GABRR3: variants seen among roughly 807,000 people sequenced by gnomAD.
GABRR3 encodes the protein gamma-aminobutyric acid type A receptor subunit rho3, also known as gamma-aminobutyric acid receptor subunit rho-3.
In GABRR3, 29 loss-of-function variants were observed where a neutral mutation model predicts 43.2. That is an observed-to-expected ratio of 0.67 (90% CI 0.50 to 0.92). The LOEUF (loss-of-function observed/expected upper bound fraction) is 0.92. Ranked by LOEUF, GABRR3 falls within the 40% of genes least tolerant of loss-of-function variation. The probability of loss-of-function intolerance (pLI) is 0.00; values close to 1 mark genes in which losing one functional copy is unlikely to be tolerated. For synonymous variants in GABRR3, 206 were observed against 195.9 expected (o/e 1.05, Z -0.43); for missense variants, 576 against 572.3 (o/e 1.01, Z -0.07).
chr3:98,001,627 T>G, exon 8 of GABRR3: 1 of 1,613,048 alleles, frequency 6.2e-7, no homozygotes, highest in Non-Finnish European at 8.5e-7. Flanking sequence ...AGGGAAACTC[T>G]TGCAGGAACA....
chr3:98,004,976 A>C (rs2107234517), intron 7 of GABRR3, among the ~76,000 whole-genome samples: 2 of 152,220 alleles, frequency 1.3e-5, no homozygotes, highest in African/African-American at 4.8e-5. Flanking sequence ...TCATGAACTA[A>C]AATAAGTTTC....
exon 5 of GABRR3, chr3:98,012,348 G>GGAA: frequency 6.2e-7 from 1 of 1,613,092 alleles, no homozygotes. Flanking sequence ...CCTTACCTGA[G>GGAA]ACTTAGGAGG....
At chr3:98,025,658 C>T in exon 3 of GABRR3, 1 of 1,611,326 alleles carries the variant, frequency 6.2e-7, no homozygotes, top group South Asian at 1.1e-5. Context: ...TGTCATCTTT[C>T]TTCATTCTAG....
chr3:98,012,399 T>G (rs1706804609), exon 5 of GABRR3: 16 of 1,613,820 alleles, frequency 9.9e-6, no homozygotes, highest in African/African-American at 1.3e-5. Context: ...ATATTCTCCA[T>G]AGTTGTATCA....
chr3:98,011,473 C>G (rs1706791109), intron 5 of GABRR3, among the ~76,000 whole-genome samples: 1 of 152,156 alleles, frequency 6.6e-6, no homozygotes. Context: ...ATTGCCTACT[C>G]TTCTTTTGTA....
At chr3:98,004,635 G>A (rs1442359580) in intron 7 of GABRR3, among the ~76,000 whole-genome samples, 9 of 150,648 alleles carry the variant, frequency 6.0e-5, no homozygotes, top group East Asian at 2.0e-4. Context: ...TTGCCAGGTC[G>A]TGGTGATTTT....
intron 7 of GABRR3, among the ~76,000 whole-genome samples, chr3:98,003,795 T>A (rs1365479256): frequency 6.6e-6 from 1 of 152,062 alleles, no homozygotes; most frequent in African/African-American, 2.4e-5. Flanking sequence ...CTAGCTACCA[T>A]AAAAACCCAA....
At chr3:98,014,867 T>C (rs1188974484) in intron 4 of GABRR3, among the ~76,000 whole-genome samples, 1 of 148,968 alleles carries the variant, frequency 6.7e-6, no homozygotes, top group Non-Finnish European at 1.5e-5. Flanking sequence ...TGTCTCTCTC[T>C]TTTTATCTTT....
intron 2 of GABRR3, among the ~76,000 whole-genome samples, chr3:98,032,261 T>C (rs1707095587): frequency 6.6e-6 from 1 of 152,216 alleles, no homozygotes; most frequent in South Asian, 2.1e-4. Context: ...TAGAAAGTAT[T>C]TAATTTAATT....
downstream of GABRR3, chr3:97,986,554 A>G (rs114922829): frequency 3.9e-3 from 2,437 of 632,318 alleles, 10 homozygotes; most frequent in Non-Finnish European, 5.6e-3. Context: ...ACAGCTTTCA[A>G]ATTTTCATTA....
chr3:98,004,284 A>C (rs1706694902), intron 7 of GABRR3, among the ~76,000 whole-genome samples: 1 of 152,170 alleles, frequency 6.6e-6, no homozygotes, highest in Non-Finnish European at 1.5e-5. Context: ...ATAACATTCT[A>C]AGGTACTTAA....
At chr3:98,013,934 C>G (rs1469232961) in intron 4 of GABRR3, among the ~76,000 whole-genome samples, 1 of 152,144 alleles carries the variant, frequency 6.6e-6, no homozygotes, top group South Asian at 2.1e-4. Context: ...TAGCAAGTCA[C>G]CACACGCTGG....
chr3:98,007,373 A>G (rs1181067348), intron 7 of GABRR3, among the ~76,000 whole-genome samples: 1 of 152,066 alleles, frequency 6.6e-6, no homozygotes, highest in African/African-American at 2.4e-5. Flanking sequence ...GCAGGTGGTG[A>G]GGGGCAGAGG....
At chr3:98,007,933 G>A (rs1341365263) in intron 6 of GABRR3, 29 bp from the exon 7 acceptor site, 1 of 1,529,908 alleles carries the variant, frequency 6.5e-7, no homozygotes, top group East Asian at 2.4e-5. Context: ...AGTCTTGTAA[G>A]TGTAATAAGC....
Position 98,025,699 on chromosome 3 carries a change from A to C in GABRR3, c.126-20T>G. On this transcript the variant is annotated intron_variant, in intron 2 of 9. Coordinates refer to ENST00000621172, the Ensembl canonical transcript of GABRR3. ...TGTTTGCTGTTCCCCCAAAGGGAAA[A>C]AAAAAACTTCTGAGATACATATGCT... 1.3e-6 allele frequency: 2 copies of C among 1,542,806 alleles called. No homozygotes were observed. The highest frequency in any genetic ancestry group is 1.8e-6 in the Non-Finnish European group (2 of 1,128,438).
In GABRR3 at chr3:98,020,838, G is replaced by A. The variant is rs115701768; in HGVS notation, c.239-3116C>T. Reference sequence around the variant, plus strand: ...AGGAAAATGTATGCCCTTGGGTGCCGTCTGGCCTCATTTCTTTTTCTTTTT... The same window carrying A: ...AGGAAAATGTATGCCCTTGGGTGCCATCTGGCCTCATTTCTTTTTCTTTTT... On this transcript the variant is annotated intron_variant, in intron 3 of 9. Coordinates refer to ENST00000621172, the Ensembl canonical transcript of GABRR3. Among the ~76,000 whole-genome samples, 988 of 151,012 alleles carry A rather than the reference G, an allele frequency of 6.5e-3. 9 individuals are homozygous for A. The highest frequency in any genetic ancestry group is 0.023 in the African/African-American group (944 of 41,200).
intron 3 of GABRR3, among the ~76,000 whole-genome samples, chr3:98,018,885 G>A (rs9289504): frequency 0.47 from 71,566 of 151,754 alleles, 16,920 homozygotes; most frequent in East Asian, 0.55. Flanking sequence ...CGAGGTGGAC[G>A]GATCACTTGA....
chr3:98,029,856 C>T (rs1707063418), intron 2 of GABRR3, among the ~76,000 whole-genome samples: 2 of 152,058 alleles, frequency 1.3e-5, no homozygotes, highest in South Asian at 2.1e-4. Context: ...TGGCTCACAC[C>T]TGTAATCCCA....
At chr3:98,028,830 G>A (rs1299811836) in intron 2 of GABRR3, among the ~76,000 whole-genome samples, 1 of 152,118 alleles carries the variant, frequency 6.6e-6, no homozygotes. Flanking sequence ...AGACACCCTC[G>A]TTTGAAGGCC....
Sources: gnomAD v4.1 joint callset for allele counts (sites outside exome capture counted in the v4.1 genomes callset) on GRCh38, gnomAD v4.1.1 for gene constraint, MANE v1.5 for transcripts, NCBI Gene and HGNC (gene_info 2026-07-23, HGNC 2026-07-21) for gene names.